Variants in ANO4 observed in about 807,000 individuals in gnomAD.
The protein encoded by ANO4 is anoctamin 4.
In ANO4, 69 loss-of-function variants were observed where a neutral mutation model predicts 141.9. That is an observed-to-expected ratio of 0.49 (90% CI 0.40 to 0.59). The LOEUF is 0.59. Ranked by LOEUF, ANO4 falls within the 20% of genes least tolerant of loss-of-function variation. The probability of loss-of-function intolerance (pLI) is 0.00; values close to 1 mark genes in which losing one functional copy is unlikely to be tolerated. For missense variants in ANO4, 894 were observed against 1,162.2 expected, an observed-to-expected ratio of 0.77 and a Z score of 3.36; for synonymous variants, 350 against 394.3, an observed-to-expected ratio of 0.89 and a Z score of 1.33.
chr12:101,086,496 G>T (rs914562718), intron 16 of ANO4, among the ~76,000 whole-genome samples, 164 bp from the exon 17 acceptor site: 1 of 152,114 alleles, frequency 6.6e-6, no homozygotes, highest in Non-Finnish European at 1.5e-5. Flanking sequence ...AAAGGCAAGA[G>T]AAAGTATTAA....
chr12:100,855,078 A>G lies in ANO4; in HGVS notation c.-140-46568A>G, dbSNP rs564933683. 2.0e-5 allele frequency among the ~76,000 whole-genome samples: 3 copies of G among 152,204 alleles called. No individual in the cohort carries two copies. In the South Asian group the frequency reaches 6.2e-4, roughly 32 times the overall value. ...TCTAAAGTCCATTTGAAGTGCATCA[A>G]TTCCTGCCTCTTGGTCAGGAATCAA... On this transcript the variant is annotated intron_variant, in intron 1 of 27. Transcript: ENST00000392977.
At chr12:100,889,448 A>C (rs982776895) in intron 1 of ANO4, among the ~76,000 whole-genome samples, 1 of 152,186 alleles carries the variant, frequency 6.6e-6, no homozygotes, top group African/African-American at 2.4e-5. Context: ...TCCCTGAGGA[A>C]TCGCCACACT....
intron 3 of ANO4, among the ~76,000 whole-genome samples, chr12:100,751,812 A>G (rs1565854892): frequency 6.6e-6 from 1 of 152,148 alleles, no homozygotes; most frequent in Non-Finnish European, 1.5e-5. Context: ...AAGGCAAAGG[A>G]CACTATTAGG....
intron 15 of ANO4, among the ~76,000 whole-genome samples, chr12:101,083,435 A>C (rs1040738192): frequency 2.0e-5 from 3 of 152,172 alleles, no homozygotes; most frequent in African/African-American, 7.2e-5. Flanking sequence ...TAACAGATAA[A>C]TGTAACTGTT....
rs1008703538 is a variant in ANO4 at position 101,054,871 on chromosome 12, T to C, written c.1312+6470T>C. On this transcript the variant is annotated intron_variant, in intron 14 of 27. Transcript: ENST00000392977. Reference sequence around the variant, plus strand: ...CAACCTGAAACCTGCTTTTTACCACTGTAGTTTCAGCTGTTCTAGAATTTC... The same window carrying C: ...CAACCTGAAACCTGCTTTTTACCACCGTAGTTTCAGCTGTTCTAGAATTTC... Among the ~76,000 whole-genome samples, 24 of 152,362 alleles carry C rather than the reference T, an allele frequency of 1.6e-4. 1 individual carries two copies. The highest frequency in any genetic ancestry group is 5.3e-4 in the African/African-American group (22 of 41,594).
intron 2 of ANO4, among the ~76,000 whole-genome samples, chr12:100,734,911 C>G (rs1383607360): frequency 6.6e-6 from 1 of 152,120 alleles, no homozygotes; most frequent in African/African-American, 2.4e-5. Flanking sequence ...TTCAGTAACC[C>G]AAATAAAAAT....
chr12:100,976,885 A>G (rs144804047), intron 7 of ANO4, among the ~76,000 whole-genome samples: 64 of 152,336 alleles, frequency 4.2e-4, no homozygotes, highest in African/African-American at 1.5e-3. Context: ...TCTAGATTCT[A>G]AAAAGAATGT....
chr12:100,941,308 C>T (rs932117465), intron 4 of ANO4, among the ~76,000 whole-genome samples: 1 of 151,874 alleles, frequency 6.6e-6, no homozygotes, highest in Non-Finnish European at 1.5e-5. Flanking sequence ...GAGGTATCAT[C>T]TTTCTAAATT....
intron 1 of ANO4, among the ~76,000 whole-genome samples, chr12:100,828,444 G>C (rs945175468): frequency 6.6e-6 from 1 of 151,994 alleles, no homozygotes; most frequent in African/African-American, 2.4e-5. Flanking sequence ...AAGCGTAAAA[G>C]TCTTTTCAGT....
rs1308729194 is a variant in ANO4 at position 100,828,730 on chromosome 12, ATTC to A, written c.-141+33711_-141+33713del. Among the ~76,000 whole-genome samples, 3 of 152,130 alleles carry A rather than the reference ATTC, an allele frequency of 2.0e-5. No individual in the cohort carries two copies. In the East Asian group the frequency reaches 5.8e-4, roughly 30 times the overall value. On this transcript the variant is annotated intron_variant, in intron 1 of 27. Transcript: ENST00000392977. ...AGATAGAAATACATATATGAATAAC[ATTC>A]TTCTTCTCTCCAACTTCATATAGCT... is the stretch of plus-strand genomic sequence containing the variant.
intron 1 of ANO4, among the ~76,000 whole-genome samples, chr12:100,864,689 G>A (rs7295179): frequency 0.4 from 60,112 of 151,810 alleles, 12,110 homozygotes; most frequent in Admixed American, 0.47. Flanking sequence ...TCACAAAATC[G>A]GCATTTTTTA....
exon 3 of ANO4, chr12:100,739,994 A>T (rs958591307): frequency 3.8e-5 from 27 of 702,316 alleles, no homozygotes; most frequent in Non-Finnish European, 7.0e-5. Flanking sequence ...CCGATCCTTC[A>T]CCCGCAAGAC....
intron 14 of ANO4, 38 bp from the exon 15 acceptor site, chr12:101,079,155 T>C (rs950009659): frequency 1.6e-5 from 26 of 1,576,448 alleles, no homozygotes; most frequent in Non-Finnish European, 2.0e-5. Context: ...GTTTTACTTT[T>C]ATTCAAAAAT....
intron 11 of ANO4, among the ~76,000 whole-genome samples, chr12:101,041,847 G>A (rs2047422605): frequency 6.6e-6 from 1 of 152,198 alleles, no homozygotes; most frequent in Non-Finnish European, 1.5e-5. Flanking sequence ...TTTATGTTGG[G>A]CAAATAAAGG....
At chr12:100,907,618 A>G (rs895239173) in intron 2 of ANO4, among the ~76,000 whole-genome samples, 1 of 152,276 alleles carries the variant, frequency 6.6e-6, no homozygotes, top group African/African-American at 2.4e-5. Context: ...GTTTGTCAAA[A>G]TCTGTTCTAC....
At chr12:101,125,158 T>C (rs1456027451) in intron 26 of ANO4, among the ~76,000 whole-genome samples, 1 of 152,230 alleles carries the variant, frequency 6.6e-6, no homozygotes, top group African/African-American at 2.4e-5. Context: ...AGCAGTGGTC[T>C]GTAGTTCTTG....
At chr12:100,874,502 G>C (rs1401647191) in intron 1 of ANO4, among the ~76,000 whole-genome samples, 1 of 152,070 alleles carries the variant, frequency 6.6e-6, no homozygotes, top group Non-Finnish European at 1.5e-5. Context: ...TTATTTTGGA[G>C]TTTTAAGTTT....
chr12:100,815,757 GTGTGTGTGTGTGTT>G (rs930980874), intron 1 of ANO4, among the ~76,000 whole-genome samples: 1 of 100,984 alleles, frequency 9.9e-6, no homozygotes, highest in Non-Finnish European at 2.0e-5. Flanking sequence ...ATATATATGT[GTGTGTGTGTGTGTT>G]TGTGTGTGTG....
intron 16 of ANO4, among the ~76,000 whole-genome samples, chr12:101,086,171 T>G (rs1285964816): frequency 6.7e-6 from 1 of 149,668 alleles, no homozygotes; most frequent in African/African-American, 2.4e-5. Flanking sequence ...AAGGAAATAG[T>G]CTTGGCAATT....
Sources: gnomAD v4.1 joint callset for allele counts (sites outside exome capture counted in the v4.1 genomes callset) on GRCh38, gnomAD v4.1.1 for gene constraint, MANE v1.5 for transcripts, NCBI Gene and HGNC (gene_info 2026-07-23, HGNC 2026-07-21) for gene names.